STAM: variants seen among roughly 807,000 people sequenced by gnomAD.
STAM encodes the protein signal transducing adapter molecule 1.
A neutral mutation model predicts 63.4 loss-of-function variants in STAM; 16 were observed. That is an observed-to-expected ratio of 0.25 (90% CI 0.17 to 0.38). The LOEUF (loss-of-function observed/expected upper bound fraction) is 0.38, where lower values mean the gene tolerates loss of function less well. Among genes scored for constraint, STAM ranks in the 10% least tolerant of loss-of-function variants. STAM has a pLI of 1.00. For synonymous variants in STAM, 238 were observed against 223.9 expected, an observed-to-expected ratio of 1.06 and a Z score of -0.56; for missense variants, 636 against 657.1, an observed-to-expected ratio of 0.97 and a Z score of 0.35.
Position 17,695,239 on chromosome 10 carries a change from C to T in STAM, c.726C>T (p.Asp242=), listed in dbSNP as rs1266052830. ...KAGEIITVLD[D]SDPNWWKGET... ...GAGAAATTATTACAGTTCTTGATGA[C>T]AGGTAATGTTAATATTACATTTAAA... The change falls in exon 7 of 14, where the codon GAC becomes GAT. Residue 242 remains aspartate, a splice_region_variant and synonymous_variant. Transcript: ENST00000377524. 1.1e-5 allele frequency: 17 copies of T among 1,612,382 alleles called. No homozygotes were observed. The highest frequency in any genetic ancestry group is 1.4e-5 in the Non-Finnish European group (17 of 1,178,990).
intron 2 of STAM, among the ~76,000 whole-genome samples, chr10:17,677,107 T>C (rs1834888832): frequency 2.6e-5 from 4 of 152,198 alleles, no homozygotes; most frequent in Admixed American, 2.6e-4. Context: ...TCTTACTGGC[T>C]TTGCAGCTCT....
rs574563128 is a variant in STAM, at chr10:17,661,293, G to T, written c.125+745G>T. 4.6e-5 allele frequency among the ~76,000 whole-genome samples: 7 copies of T among 152,288 alleles called. No individual in the cohort carries two copies. In the South Asian group the frequency reaches 1.4e-3, roughly 32 times the overall value. On this transcript the variant is annotated intron_variant, in intron 2 of 13. Coordinates refer to ENST00000377524, the MANE Select transcript of STAM (RefSeq NM_003473.4). ...TATTGTCTTATTTGTGCACTTTCAT[G>T]TGAAAAAGATTAGGAAGCACTGCTG...
chr10:17,715,502 A>G lies in STAM; in HGVS notation c.*722A>G, dbSNP rs892447524. On this transcript the variant is annotated 3_prime_UTR_variant, in exon 14 of 14. Transcript: ENST00000377524. ...CAGTAGCTAAATTTTTGGTGCAATT[A>G]TAGCAAATGATAATGTTCCCTTTTG... 3.3e-5 allele frequency: 5 copies of G among 152,480 alleles called. No homozygotes were observed. Among genetic ancestry groups the G allele is most frequent in the African/African-American group, 1.2e-4 (5 of 41,436 alleles). The allele number at this position is 152,480 out of a possible 1,614,324, so 9.4% of individuals were successfully genotyped here. A position where few individuals can be genotyped will look rare whatever the true frequency, so the allele number is the denominator to read the frequency against.
At chr10:17,712,673 G>C (rs1554830198) in intron 13 of STAM, among the ~76,000 whole-genome samples, 1 of 152,206 alleles carries the variant, frequency 6.6e-6, no homozygotes, top group East Asian at 1.9e-4. Context: ...GGAATTCTCA[G>C]CATCTTAGTA....
intron 5 of STAM, among the ~76,000 whole-genome samples, chr10:17,691,511 C>CTGTCTCATAAATAAAT (rs564421289): frequency 1.3e-5 from 2 of 151,984 alleles, no homozygotes; most frequent in Non-Finnish European, 2.9e-5. Context: ...GAGCGAGACT[C>CTGTCTCATAAATAAAT]AAATAAATAA....
chr10:17,687,364 G>A (rs1403832474), intron 4 of STAM, among the ~76,000 whole-genome samples: 2 of 151,978 alleles, frequency 1.3e-5, no homozygotes, highest in African/African-American at 4.8e-5. Context: ...AATCCTACTC[G>A]GGAGGTTGAC....
At position 17,644,224 on chromosome 10, in the gene STAM, C is replaced by T. The variant is rs570329854; in HGVS notation, c.-116C>T. The T allele has an allele frequency of 6.1e-5, 69 of 1,137,474 alleles. No homozygotes were observed. Among genetic ancestry groups the T allele is most frequent in the East Asian group, 1.7e-4 (7 of 40,302 alleles). 70.5% of individuals were successfully genotyped at this position (1,137,474 alleles called of 1,614,324 possible). ...GTGAGAGGAGGAGCTGTCGCGGACC[C>T]TGTAGAGTCGGTCTCTGTTGCTCTT... On this transcript the variant is annotated 5_prime_UTR_variant, in exon 1 of 14. Coordinates refer to ENST00000377524, the MANE Select transcript of STAM (RefSeq NM_003473.4).
chr10:17,696,662 G>A (rs1835771625), intron 7 of STAM, 113 bp from the exon 8 acceptor site: 2 of 697,796 alleles, frequency 2.9e-6, no homozygotes, highest in Admixed American at 2.8e-5. Flanking sequence ...TTTTCAGTGG[G>A]TTATTGTGAG....
chr10:17,707,282 T>C (rs1349610076), intron 12 of STAM, among the ~76,000 whole-genome samples: 5 of 151,980 alleles, frequency 3.3e-5, no homozygotes, highest in Admixed American at 2.6e-4. Context: ...TGGTGGTGGG[T>C]GCCTATAGTC....
intron 2 of STAM, among the ~76,000 whole-genome samples, chr10:17,679,050 A>G (rs782064534): frequency 2.6e-5 from 4 of 152,172 alleles, no homozygotes; most frequent in Admixed American, 6.5e-5. Context: ...TGTGAATACT[A>G]TTAATACTAC....
In STAM at chr10:17,688,257, C is replaced by T. The variant is rs1162942264; in HGVS notation, c.444+84C>T. The T allele has an allele frequency of 3.8e-6, 5 of 1,328,568 alleles. No individual in the cohort carries two copies. In the Admixed American group the frequency reaches 1.4e-4, roughly 37 times the overall value. 82.3% of individuals were successfully genotyped at this position (1,328,568 alleles called of 1,614,324 possible). Reference sequence around the variant, plus strand: ...TTATTTGAATTTTTTTCTTCATTCCCAGGTAATTTTTACTACTTCAGAGGA... The same window carrying T: ...TTATTTGAATTTTTTTCTTCATTCCTAGGTAATTTTTACTACTTCAGAGGA... On this transcript the variant is annotated intron_variant, in intron 5 of 13. Coordinates refer to ENST00000377524, the MANE Select transcript of STAM (RefSeq NM_003473.4).
chr10:17,697,417 C>T (rs1357252333), intron 8 of STAM, among the ~76,000 whole-genome samples: 1 of 152,158 alleles, frequency 6.6e-6, no homozygotes, highest in Non-Finnish European at 1.5e-5. Flanking sequence ...TGTGTAGTCC[C>T]AGACTTGAAA....
chr10:17,655,246 C>G (rs1833892683), intron 1 of STAM, among the ~76,000 whole-genome samples: 2 of 152,146 alleles, frequency 1.3e-5, no homozygotes, highest in African/African-American at 2.4e-5. Flanking sequence ...GAAGGCTATT[C>G]CATTTTGCTG....
At chr10:17,678,241 A>G (rs1012622604) in intron 2 of STAM, among the ~76,000 whole-genome samples, 3 of 145,768 alleles carry the variant, frequency 2.1e-5, no homozygotes, top group African/African-American at 7.7e-5. Context: ...TTTGTGATCA[A>G]CTTTCTTCAT....
rs782112022 is a variant in STAM, at chr10:17,684,832, C to G, written c.202C>G (p.Leu68Val). The G allele has an allele frequency of 1.2e-6, 2 of 1,613,780 alleles. No homozygotes were observed. The highest frequency in any genetic ancestry group is 4.5e-5 in the East Asian group (2 of 44,872). Residue 68 changes from leucine (L) to valine (V), a missense_variant and splice_region_variant, in exon 4 of 14, where the codon CTT (leucine) becomes GTT (valine). Around this residue, in one of 3 missense-constraint regions of STAM, gnomAD observed 17 missense variants for 39.9 expected, o/e 0.43. Coordinates refer to ENST00000377524, the MANE Select transcript of STAM (RefSeq NM_003473.4). ...DPHVAMQALT[L>V]LGACVSNCGK... is the part of the protein sequence containing the mutation. Reference sequence around the variant, plus strand: ...TTAACTTCTGATTTTGTGCTTTTAGCTTCTAGGAGCATGTGTATCAAACTG... The same window carrying G: ...TTAACTTCTGATTTTGTGCTTTTAGGTTCTAGGAGCATGTGTATCAAACTG...
At chr10:17,664,731 A>C (rs1156786291) in intron 2 of STAM, among the ~76,000 whole-genome samples, 1 of 152,146 alleles carries the variant, frequency 6.6e-6, no homozygotes, top group Non-Finnish European at 1.5e-5. Context: ...GGAATGTTGT[A>C]GATTGGAATG....
At chr10:17,671,434 T>G (rs1282591195) in intron 2 of STAM, among the ~76,000 whole-genome samples, 1 of 152,188 alleles carries the variant, frequency 6.6e-6, no homozygotes, top group Non-Finnish European at 1.5e-5. Context: ...GATAAGGAGG[T>G]ATTAGACATC....
At chr10:17,681,096 C>G (rs1055185476) in intron 2 of STAM, among the ~76,000 whole-genome samples, 2 of 151,946 alleles carry the variant, frequency 1.3e-5, no homozygotes, top group Non-Finnish European at 2.9e-5. Context: ...CAACAGTGCA[C>G]AAGTGTTTCA....
intron 2 of STAM, among the ~76,000 whole-genome samples, chr10:17,661,835 C>G (rs891121460): frequency 2.6e-5 from 4 of 152,292 alleles, no homozygotes; most frequent in Middle Eastern, 3.4e-3. Context: ...ACCCTCCACT[C>G]TAGCTTTTTT....
Sources: allele counts gnomAD v4.1 joint callset (sites outside exome capture counted in the v4.1 genomes callset), GRCh38; gene constraint gnomAD v4.1.1; regional missense constraint gnomAD v4.1.1; transcripts MANE v1.5; gene names NCBI Gene and HGNC (gene_info 2026-07-23, HGNC 2026-07-21).